The following CDH12 variants were observed in gnomAD, a reference collection of about 807,000 sequenced individuals.
CDH12 encodes the protein cadherin 12, also known as cadherin-12.
Under a neutral mutation model 74.1 loss-of-function variants are expected in CDH12, and 41 were observed. The observed-to-expected ratio is 0.55, with a 90% CI of 0.43 to 0.72. The LOEUF (loss-of-function observed/expected upper bound fraction) is 0.72. Among genes scored for constraint, CDH12 ranks in the 30% least tolerant of loss-of-function variants. The pLI, the probability that CDH12 is intolerant of heterozygous loss-of-function variation, is 0.00. For synonymous variants in CDH12, 399 were observed against 355.0 expected (o/e 1.12, Z -1.39); for missense variants, 945 against 977.2 (o/e 0.97, Z 0.44).
intron 3 of CDH12, among the ~76,000 whole-genome samples, chr5:22,368,785 C>T (rs1280803589): frequency 2.1e-5 from 3 of 143,978 alleles, no homozygotes; most frequent in Non-Finnish European, 4.7e-5. Flanking sequence ...AGAGGTTGAC[C>T]TCAAAAGTGC....
At chr5:22,457,806 G>A (rs940026722) in intron 2 of CDH12, among the ~76,000 whole-genome samples, 10 of 152,066 alleles carry the variant, frequency 6.6e-5, no homozygotes, top group Middle Eastern at 3.4e-3. Context: ...GTGCAGTGGT[G>A]CGATCTCAGC....
intron 1 of CDH12, among the ~76,000 whole-genome samples, chr5:22,520,540 T>G (rs1737008058): frequency 6.6e-6 from 1 of 152,114 alleles, no homozygotes. Flanking sequence ...AATACAGCCA[T>G]GGAGTCTTAC....
rs532058375 is a variant in CDH12, at chr5:21,811,859, GTGTCACAGTGAAATGGCATTC to G, written c.1002+5065_1002+5085del. ...TTCATAATGTTCCTCTGAATTCGAA[GTGTCACAGTGAAATGGCATTC>G]TGTCACAGTGAAATGGCATTCTGTC... is the stretch of plus-strand genomic sequence containing the variant. On this transcript the variant is annotated intron_variant, in intron 9 of 14. Transcript: ENST00000382254. Among the ~76,000 whole-genome samples the G allele has an allele frequency of 8.0e-3, 1,220 of 151,958 alleles. 13 individuals are homozygous for G. Among genetic ancestry groups the G allele is most frequent in the African/African-American group, 0.028 (1,167 of 41,468 alleles).
chr5:22,681,974 A>T lies in CDH12; in HGVS notation c.-523+171084T>A, dbSNP rs553913422. On this transcript the variant is annotated intron_variant, in intron 1 of 14. Coordinates refer to ENST00000382254, the MANE Select transcript of CDH12 (RefSeq NM_004061.5). Reference sequence around the variant, plus strand: ...AAACAGTAAAACAGAAGGAAAAAAAAATCTCTAAGCATATACATTCATGGA... The same window carrying T: ...AAACAGTAAAACAGAAGGAAAAAAATATCTCTAAGCATATACATTCATGGA... 2.6e-5 allele frequency among the ~76,000 whole-genome samples: 4 copies of T among 152,182 alleles called. No individual in the cohort carries two copies. The South Asian group carries it at 8.3e-4, about 32-fold the overall frequency.
At chr5:22,208,468 C>G (rs1431753716) in intron 4 of CDH12, among the ~76,000 whole-genome samples, 1 of 152,172 alleles carries the variant, frequency 6.6e-6, no homozygotes, top group South Asian at 2.1e-4. Context: ...TCTTTTCTTT[C>G]TTTTCTACTG....
chr5:22,639,918 G>A (rs929062760), intron 1 of CDH12, among the ~76,000 whole-genome samples: 2 of 152,226 alleles, frequency 1.3e-5, no homozygotes, highest in African/African-American at 4.8e-5. Flanking sequence ...TTTAACTGAG[G>A]ACTGTCTTTT....
intron 4 of CDH12, among the ~76,000 whole-genome samples, chr5:22,176,993 C>T (rs1262305961): frequency 1.3e-5 from 2 of 152,094 alleles, no homozygotes; most frequent in African/African-American, 4.8e-5. Flanking sequence ...CACACACAGG[C>T]ATATGCTCAT....
At chr5:22,117,478 T>TG (rs1554012020) in intron 4 of CDH12, among the ~76,000 whole-genome samples, 1 of 68,288 alleles carries the variant, frequency 1.5e-5, no homozygotes, top group East Asian at 5.0e-4. Context: ...AATATATATA[T>TG]TATATATATA....
At chr5:22,010,013 T>C (rs1737211228) in intron 5 of CDH12, among the ~76,000 whole-genome samples, 1 of 150,868 alleles carries the variant, frequency 6.6e-6, no homozygotes, top group South Asian at 2.1e-4. Flanking sequence ...AAAGTTCTAG[T>C]TTCTCGTTTT....
intron 2 of CDH12, among the ~76,000 whole-genome samples, chr5:22,457,476 G>A (rs1327783739): frequency 6.6e-6 from 1 of 151,372 alleles, no homozygotes; most frequent in East Asian, 2.0e-4. Context: ...CTGGAGTGCA[G>A]TGGTGCAATC....
chr5:22,005,893 T>C (rs1308962314), intron 5 of CDH12, among the ~76,000 whole-genome samples: 1 of 152,232 alleles, frequency 6.6e-6, no homozygotes, highest in Non-Finnish European at 1.5e-5. Context: ...AAACTTATGG[T>C]TACCTTAGAA....
At chr5:22,222,741 G>T (rs1052208327) in intron 3 of CDH12, among the ~76,000 whole-genome samples, 8 of 151,750 alleles carry the variant, frequency 5.3e-5, no homozygotes, top group African/African-American at 1.9e-4. Context: ...GTTGTAGGAT[G>T]ATGGATTGTG....
intron 3 of CDH12, among the ~76,000 whole-genome samples, chr5:22,316,944 T>C (rs1466219572): frequency 1.3e-5 from 2 of 152,162 alleles, no homozygotes; most frequent in East Asian, 3.8e-4. Context: ...TAACATTTCA[T>C]GTGTCCAGAT....
In CDH12 at chr5:22,225,818, G is replaced by A. The variant is rs1205301152; in HGVS notation, c.-332-13175C>T. ...GCACCTATACACTCACTTGATTAAA[G>A]ATTTAAGAAAACTTTCTGGAAAATT... On this transcript the variant is annotated intron_variant, in intron 3 of 14. Transcript: ENST00000382254. 3.3e-5 allele frequency among the ~76,000 whole-genome samples: 5 copies of A among 151,998 alleles called. No individual in the cohort carries two copies. In the East Asian group the frequency reaches 9.7e-4, roughly 29 times the overall value.
intron 2 of CDH12, among the ~76,000 whole-genome samples, chr5:22,449,951 G>A (rs556287852): frequency 6.6e-6 from 1 of 151,978 alleles, no homozygotes; most frequent in East Asian, 1.9e-4. Flanking sequence ...GTGATTTCAT[G>A]TATGTATTTT....
rs932625468 is a variant in CDH12 at position 21,843,540 on chromosome 5, G to A, written c.647-1212C>T. ...ACACTTTTTTTTTTTTTGAGGCAGA[G>A]TTTCTCTCTTGTTGCCCAGGCTGGA... On this transcript the variant is annotated intron_variant, in intron 7 of 14. Coordinates refer to ENST00000382254, the MANE Select transcript of CDH12 (RefSeq NM_004061.5). Among the ~76,000 whole-genome samples the A allele has an allele frequency of 6.0e-5, 9 of 150,484 alleles. No homozygotes were observed. The East Asian group carries it at 1.6e-3, about 26-fold the overall frequency.
At chr5:22,849,666 C>G (rs1259622652) in intron 1 of CDH12, among the ~76,000 whole-genome samples, 1 of 152,014 alleles carries the variant, frequency 6.6e-6, no homozygotes. Context: ...CTGTATTTCC[C>G]TAATGGGTAT....
At chr5:21,928,556 AACAGAAAATATGC>A (rs1385971660) in intron 6 of CDH12, among the ~76,000 whole-genome samples, 1 of 152,224 alleles carries the variant, frequency 6.6e-6, no homozygotes, top group African/African-American at 2.4e-5. Flanking sequence ...GAGCGATGGA[AACAGAAAATATGC>A]AGTGATGTAT....
intron 2 of CDH12, among the ~76,000 whole-genome samples, chr5:22,462,814 T>C (rs535851701): frequency 6.6e-6 from 1 of 152,018 alleles, no homozygotes; most frequent in Non-Finnish European, 1.5e-5. Flanking sequence ...ATAACAACAA[T>C]AAGGTGTCCA....
Sources: allele counts gnomAD v4.1 joint callset (sites outside exome capture counted in the v4.1 genomes callset), GRCh38; gene constraint gnomAD v4.1.1; transcripts MANE v1.5; gene names NCBI Gene and HGNC (gene_info 2026-07-23, HGNC 2026-07-21).